Variants in SPIC observed in about 807,000 individuals in gnomAD.
SPIC encodes the protein Spi-C transcription factor, also known as transcription factor Spi-C.
A neutral mutation model predicts 16.7 loss-of-function variants in SPIC; 9 were observed. The ratio of observed to expected loss-of-function variants is 0.54; its 90% CI spans 0.33 to 0.94. SPIC has a LOEUF of 0.94. SPIC is among the 40% of genes least tolerant of loss of function. The pLI is 0.03. For synonymous variants in SPIC, 97 were observed against 102.9 expected (o/e 0.94, Z 0.35); for missense variants, 241 against 285.8 (o/e 0.84, Z 1.13).
intron 4 of SPIC, among the ~76,000 whole-genome samples, 187 bp downstream of exon 4, chr12:101,479,881 A>G (rs1241216612): frequency 1.3e-5 from 2 of 150,648 alleles, no homozygotes; most frequent in Non-Finnish European, 1.5e-5. Flanking sequence ...CAGTAGCTCA[A>G]TCTCAGCTCA....
intron 4 of SPIC, among the ~76,000 whole-genome samples, chr12:101,481,329 G>T (rs1873190005): frequency 6.6e-6 from 1 of 151,862 alleles, no homozygotes; most frequent in South Asian, 2.1e-4. Context: ...TGGGACTATA[G>T]ACATGTGCCA....
At position 101,477,646 on chromosome 12, in the gene SPIC, C is replaced by T. The variant is rs746368622; in HGVS notation, c.92C>T (p.Ser31Leu). ...RQHSTGDLQYSPDYRNYLALI... is the reference protein window; with the variant it reads ...RQHSTGDLQYLPDYRNYLALI... The stretch of plus-strand genomic sequence containing the variant: ...CATTCAACTGGAGATCTTCAGTACT[C>T]GCCAGGTAAAGATGAGTCATTTACC... The change falls in exon 3 of 6, where the codon TCG becomes TTG. Residue 31 changes from serine (S) to leucine (L), a missense_variant. Coordinates refer to ENST00000551346, the MANE Select transcript of SPIC (RefSeq NM_152323.3). 8 of 1,611,974 alleles carry T rather than the reference C, an allele frequency of 5.0e-6. No individual in the cohort carries two copies. The Admixed American group carries it at 5.0e-5, about 10-fold the overall frequency.
intron 5 of SPIC, among the ~76,000 whole-genome samples, chr12:101,483,728 C>T (rs1044623892): frequency 6.6e-6 from 1 of 151,946 alleles, no homozygotes; most frequent in Admixed American, 6.6e-5. Context: ...TCCTGAGTAG[C>T]TGGGATTACA....
At position 101,477,791 on chromosome 12, in the gene SPIC, C is replaced by T. The variant is rs546180859; in HGVS notation, c.97+140C>T. 335 of 692,994 alleles carry T rather than the reference C, an allele frequency of 4.8e-4. 4 individuals carry two copies. The South Asian group carries it at 5.8e-3, about 12-fold the overall frequency. 42.9% of individuals were successfully genotyped at this position (692,994 alleles called of 1,614,324 possible). Reference sequence around the variant, plus strand: ...CAGCACTTTGGGAGGCCAAGGTGGGCAGATCACTTAAGACCAGGAATTCAA... The same window carrying T: ...CAGCACTTTGGGAGGCCAAGGTGGGTAGATCACTTAAGACCAGGAATTCAA... On this transcript the variant is annotated intron_variant, in intron 3 of 5. Coordinates refer to ENST00000551346, the MANE Select transcript of SPIC (RefSeq NM_152323.3).
At chr12:101,482,940 A>T (rs1392345307) in intron 5 of SPIC, 40 bp downstream of exon 5, 1 of 1,546,698 alleles carries the variant, frequency 6.5e-7, no homozygotes, top group Non-Finnish European at 8.9e-7. Flanking sequence ...TAAAAGAACC[A>T]GATCTTCCTC....
chr12:101,479,019 C>G (rs1051095598), intron 3 of SPIC, among the ~76,000 whole-genome samples: 33 of 151,306 alleles, frequency 2.2e-4, no homozygotes, highest in African/African-American at 7.8e-4. Flanking sequence ...TGCCTGGAGT[C>G]CCAGCTACTT....
chr12:101,477,081 A>G (rs1156728092), intron 2 of SPIC, among the ~76,000 whole-genome samples, 174 bp downstream of exon 2: 1 of 152,232 alleles, frequency 6.6e-6, no homozygotes, highest in African/African-American at 2.4e-5. Context: ...TCTTGGAGAC[A>G]TAAGAGCATT....
chr12:101,481,097 G>A (rs539763890), intron 4 of SPIC, among the ~76,000 whole-genome samples: 1 of 152,138 alleles, frequency 6.6e-6, no homozygotes, highest in Non-Finnish European at 1.5e-5. Context: ...TTTAACCCTT[G>A]GAAACCCACA....
intron 2 of SPIC, 109 bp from the exon 3 acceptor site, chr12:101,477,449 A>T (rs989021678): frequency 1.0e-6 from 1 of 978,298 alleles, no homozygotes; most frequent in Non-Finnish European, 1.6e-6. Context: ...AAATGCCCAT[A>T]GTGTCAAGAT....
chr12:101,480,507 T>C (rs751108591), intron 4 of SPIC, among the ~76,000 whole-genome samples: 2 of 152,242 alleles, frequency 1.3e-5, no homozygotes, highest in Admixed American at 6.5e-5. Context: ...TCCCCATTCA[T>C]GTATTCTTTT....
At chr12:101,482,756 A>C (rs1873244362) in intron 4 of SPIC, 36 bp from the exon 5 acceptor site, 1 of 1,572,452 alleles carries the variant, frequency 6.4e-7, no homozygotes, top group Non-Finnish European at 8.7e-7. Flanking sequence ...CAACAGGGAA[A>C]GTCTCACTTA....
chr12:101,476,931 C>G, intron 2 of SPIC, 24 bp downstream of exon 2: 2 of 1,444,688 alleles, frequency 1.4e-6, no homozygotes, highest in Middle Eastern at 3.6e-4. Flanking sequence ...TTAATATTTT[C>G]TTTACTCTGT....
At position 101,477,608 on chromosome 12, in the gene SPIC, G is replaced by T. The variant is rs1307662984; in HGVS notation, c.54G>T (p.Glu18Asp). 3 of 1,613,694 alleles carry T rather than the reference G, an allele frequency of 1.9e-6. No individual in the cohort carries two copies. The highest frequency in any genetic ancestry group is 2.5e-6 in the Non-Finnish European group (3 of 1,179,932). ...GTCAAGCATTTGAAGATGCTTTTGA[G>T]GTTCTGAGGCAACATTCAACTGGAG... ...KLGQAFEDAF[E>D]VLRQHSTGDL... Residue 18 changes from glutamate (E) to aspartate (D), a missense_variant, in exon 3 of 6, where the codon GAG becomes GAT. Coordinates refer to ENST00000551346, the MANE Select transcript of SPIC (RefSeq NM_152323.3).
chr12:101,477,702 G>T (rs746401749), intron 3 of SPIC, 51 bp downstream of exon 3: 92 of 1,447,122 alleles, frequency 6.4e-5, no homozygotes, highest in Non-Finnish European at 8.4e-5. Context: ...ATGGCTTGTT[G>T]GTCACATACA....
Position 101,479,637 on chromosome 12 carries a change from C to G in SPIC, c.153C>G (p.Ser51=). 1 of 1,613,590 alleles carries G rather than the reference C, an allele frequency of 6.2e-7. No individual in the cohort carries two copies. The highest frequency in any genetic ancestry group is 8.5e-7 in the Non-Finnish European group (1 of 1,179,672). Reference sequence around the variant, plus strand: ...ATCGTCCTCATGTCAAAGGAAATTCCAGCTGCTATGGAGTGTTGCCTACAG... The same window carrying G: ...ATCGTCCTCATGTCAAAGGAAATTCGAGCTGCTATGGAGTGTTGCCTACAG... ...INHRPHVKGN[S]SCYGVLPTEE... The change falls in exon 4 of 6, where the codon TCC becomes TCG. Residue 51 remains serine, a synonymous_variant. Coordinates refer to ENST00000551346, the MANE Select transcript of SPIC (RefSeq NM_152323.3).
Position 101,479,667 on chromosome 12 carries a change from G to A in SPIC, c.183G>A (p.Glu61=), listed in dbSNP as rs917276916. 7 of 1,613,348 alleles carry A rather than the reference G, an allele frequency of 4.3e-6. No homozygotes were observed. Among genetic ancestry groups the A allele is most frequent in the Non-Finnish European group, 5.1e-6 (6 of 1,179,554 alleles). ...GCTATGGAGTGTTGCCTACAGAGGAGCCTGTCTATAATTGGAGAACGGTAA... is the reference window on the plus strand; with the variant it reads ...GCTATGGAGTGTTGCCTACAGAGGAACCTGTCTATAATTGGAGAACGGTAA... ...SSCYGVLPTE[E]PVYNWRTVIN... The change falls in exon 4 of 6, where the codon GAG becomes GAA. Residue 61 remains glutamate, a synonymous_variant. Transcript: ENST00000551346.
intron 5 of SPIC, among the ~76,000 whole-genome samples, chr12:101,484,350 A>G (rs1159709068): frequency 2.0e-5 from 3 of 151,540 alleles, no homozygotes; most frequent in South Asian, 2.1e-4. Flanking sequence ...CCTGGCCAAC[A>G]TGGTGAAGCT....
At position 101,475,894 on chromosome 12, in the gene SPIC, A is replaced by C. The variant is rs188244255; in HGVS notation, c.-78+392A>C. On this transcript the variant is annotated intron_variant, in intron 1 of 5. Coordinates refer to ENST00000551346, the MANE Select transcript of SPIC (RefSeq NM_152323.3). ...CTGGATTTTCTTCTATTTTCTTTTA[A>C]CTGACATGATGTAATGATTTCAAAG... Among the ~76,000 whole-genome samples, 334 of 152,220 alleles carry C rather than the reference A, an allele frequency of 2.2e-3. 1 individual carries two copies. The highest frequency in any genetic ancestry group is 7.5e-3 in the African/African-American group (310 of 41,552).
intron 3 of SPIC, among the ~76,000 whole-genome samples, chr12:101,479,236 GAAAGAAAAAGAAAGAAA>G (rs1873082280): frequency 1.1e-5 from 1 of 89,344 alleles, no homozygotes; most frequent in African/African-American, 4.0e-5. Context: ...AAGAAAGAAA[GAAAGAAAAAGAAAGAAA>G]GAAGGAAGGA....
Sources: gnomAD v4.1 joint callset for allele counts (sites outside exome capture counted in the v4.1 genomes callset) on GRCh38, gnomAD v4.1.1 for gene constraint, MANE v1.5 for transcripts, NCBI Gene and HGNC (gene_info 2026-07-23, HGNC 2026-07-21) for gene names.